The following STAG1 variants were observed in gnomAD, a reference collection of about 807,000 sequenced individuals.
STAG1 encodes cohesin subunit SA-1.
Under a neutral mutation model 170.9 loss-of-function variants are expected in STAG1, and 26 were observed. The observed-to-expected ratio is 0.15, with a 90% CI of 0.11 to 0.21. The LOEUF (loss-of-function observed/expected upper bound fraction) is 0.21. STAG1 is among the 10% of genes least tolerant of loss of function. The pLI is 1.00. For missense variants in STAG1, 964 were observed against 1,509.5 expected (o/e 0.64, Z 5.99); for synonymous variants, 514 against 497.7 (o/e 1.03, Z -0.44).
intron 23 of STAG1, among the ~76,000 whole-genome samples, chr3:136,377,162 G>A (rs556323836): frequency 1.3e-5 from 2 of 148,806 alleles, no homozygotes; most frequent in African/African-American, 4.9e-5. Flanking sequence ...CACTTTGGGA[G>A]GCTGAGGCGG....
At chr3:136,375,969 A>AAAATAAATAAATAAATAAATAAATAAAT (rs3072456) in intron 23 of STAG1, among the ~76,000 whole-genome samples, 1 of 124,674 alleles carries the variant, frequency 8.0e-6, no homozygotes, top group African/African-American at 3.1e-5. Flanking sequence ...ACTCCGTCTC[A>AAAATAAATAAATAAATAAATAAATAAAT]AAATAAATAA....
rs111390217 is a variant in STAG1 at position 136,508,887 on chromosome 3, C to CGAGA, written c.677-6112_677-6109dup. Among the ~76,000 whole-genome samples, 37 of 149,472 alleles carry CGAGA rather than the reference C, an allele frequency of 2.5e-4. No individual in the cohort carries two copies. The East Asian group carries it at 2.7e-3, about 11-fold the overall frequency. On this transcript the variant is annotated intron_variant, in intron 7 of 33. Transcript: ENST00000383202. ...GTGTGTGTCTGTGTGCGCGCGTGCG[C>CGAGA]GAGAGAGAGAGAGAGAGAGAGACAG...
At chr3:136,388,341 G>A (rs2086921024) in intron 22 of STAG1, among the ~76,000 whole-genome samples, 1 of 152,036 alleles carries the variant, frequency 6.6e-6, no homozygotes, top group Non-Finnish European at 1.5e-5. Context: ...ACAAAATGCT[G>A]GAAACAGAAG....
At chr3:136,722,441 C>G (rs1198315907) in intron 1 of STAG1, among the ~76,000 whole-genome samples, 1 of 152,060 alleles carries the variant, frequency 6.6e-6, no homozygotes, top group African/African-American at 2.4e-5. Context: ...TCAAGTTTCA[C>G]AGTGAACAGA....
At chr3:136,629,836 A>G (rs1250531427) in intron 2 of STAG1, among the ~76,000 whole-genome samples, 1 of 152,214 alleles carries the variant, frequency 6.6e-6, no homozygotes, top group Non-Finnish European at 1.5e-5. Flanking sequence ...GACTTGCATC[A>G]TGATAAAAGC....
intron 21 of STAG1, among the ~76,000 whole-genome samples, chr3:136,407,622 G>A (rs557394294): frequency 2.2e-4 from 34 of 151,624 alleles, no homozygotes; most frequent in African/African-American, 7.5e-4. Flanking sequence ...CCACCATGCC[G>A]AGCTAATTTT....
At chr3:136,617,384 T>G (rs968919865) in intron 3 of STAG1, among the ~76,000 whole-genome samples, 1 of 152,208 alleles carries the variant, frequency 6.6e-6, no homozygotes, top group Non-Finnish European at 1.5e-5. Flanking sequence ...AGGCTGGATG[T>G]TGGTAGTGGT....
At position 136,441,094 on chromosome 3, in the gene STAG1, G is replaced by A. The variant is rs1015158280; in HGVS notation, c.1546+2193C>T. Among the ~76,000 whole-genome samples, 18 of 146,538 alleles carry A rather than the reference G, an allele frequency of 1.2e-4. No individual in the cohort carries two copies. The East Asian group carries it at 3.0e-3, about 25-fold the overall frequency. ...GTTGCCCAGGGTGGAGTGAATCGGCGAGATCTCAGCTCACTGCAATCTCTG... is the reference window on the plus strand; with the variant it reads ...GTTGCCCAGGGTGGAGTGAATCGGCAAGATCTCAGCTCACTGCAATCTCTG... On this transcript the variant is annotated intron_variant, in intron 15 of 33. Transcript: ENST00000383202.
In STAG1 at chr3:136,423,749, C is replaced by T. The variant is rs986801374; in HGVS notation, c.1651-705G>A. Among the ~76,000 whole-genome samples the T allele has an allele frequency of 5.3e-4, 81 of 152,130 alleles. No individual in the cohort carries two copies. The Middle Eastern group carries it at 0.014, about 26-fold the overall frequency. ...GCCATCATAATGTCAAATGGTTTTA[C>T]GGAACAGAAACATTCCAATATAAAT... is the stretch of plus-strand genomic sequence containing the variant. On this transcript the variant is annotated intron_variant, in intron 16 of 33. Transcript: ENST00000383202.
intron 7 of STAG1, among the ~76,000 whole-genome samples, chr3:136,503,329 C>T (rs991320869): frequency 6.6e-6 from 1 of 152,186 alleles, no homozygotes; most frequent in Non-Finnish European, 1.5e-5. Flanking sequence ...CATTGAAGTC[C>T]ATTAAAAATG....
chr3:136,734,117 A>AAAC (rs1559979794), intron 1 of STAG1, among the ~76,000 whole-genome samples: 1 of 151,660 alleles, frequency 6.6e-6, no homozygotes, highest in Non-Finnish European at 1.5e-5. Flanking sequence ...TCAAAAAAAA[A>AAAC]AAAAAACAAA....
At chr3:136,635,189 C>A (rs1940504740) in intron 1 of STAG1, among the ~76,000 whole-genome samples, 1 of 152,156 alleles carries the variant, frequency 6.6e-6, no homozygotes, top group African/African-American at 2.4e-5. Context: ...ACATCAATAT[C>A]TCTAATAAAC....
intron 26 of STAG1, among the ~76,000 whole-genome samples, chr3:136,360,914 C>T (rs1289611077): frequency 6.6e-6 from 1 of 151,996 alleles, no homozygotes; most frequent in Non-Finnish European, 1.5e-5. Flanking sequence ...GTGATCTGCC[C>T]GCCTCAGCCT....
chr3:136,487,445 A>G (rs1297955341), intron 9 of STAG1, among the ~76,000 whole-genome samples: 1 of 152,212 alleles, frequency 6.6e-6, no homozygotes, highest in Non-Finnish European at 1.5e-5. Context: ...TAGGAATCCC[A>G]GTCCTTGTCT....
At chr3:136,686,653 A>T (rs1380061924) in intron 1 of STAG1, among the ~76,000 whole-genome samples, 1 of 152,236 alleles carries the variant, frequency 6.6e-6, no homozygotes, top group East Asian at 1.9e-4. Context: ...CTAATCCATG[A>T]ACCCAATTTT....
intron 7 of STAG1, among the ~76,000 whole-genome samples, chr3:136,515,291 G>A (rs1184981546): frequency 1.3e-5 from 2 of 152,186 alleles, no homozygotes; most frequent in East Asian, 1.9e-4. Context: ...CTTGAACTCA[G>A]GAGGGGGAGG....
chr3:136,604,044 AT>A (rs1460341938), intron 4 of STAG1, among the ~76,000 whole-genome samples: 5 of 152,194 alleles, frequency 3.3e-5, no homozygotes, highest in South Asian at 2.1e-4. Context: ...CAAAAAAAAA[AT>A]ATCAAGACAA....
chr3:136,714,200 C>G (rs1943460022), intron 1 of STAG1, among the ~76,000 whole-genome samples: 1 of 151,878 alleles, frequency 6.6e-6, no homozygotes, highest in Non-Finnish European at 1.5e-5. Context: ...CAAGGCCCTA[C>G]CCCCCAAAAA....
intron 9 of STAG1, among the ~76,000 whole-genome samples, chr3:136,484,821 G>A (rs1282883334): frequency 2.2e-4 from 34 of 151,488 alleles, no homozygotes; most frequent in African/African-American, 8.0e-4. Flanking sequence ...GCAATATTCG[G>A]GTGGGAGTGA....
Sources: allele counts gnomAD v4.1 joint callset (sites outside exome capture counted in the v4.1 genomes callset), GRCh38; gene constraint gnomAD v4.1.1; transcripts MANE v1.5; gene names NCBI Gene and HGNC (gene_info 2026-07-23, HGNC 2026-07-21).